CALU: variants seen among roughly 807,000 people sequenced by gnomAD.
CALU encodes the protein calumenin, also known as IEF SSP 9302.
In CALU, 13 loss-of-function variants were observed where a neutral mutation model predicts 37.5. The ratio of observed to expected loss-of-function variants is 0.35; its 90% CI spans 0.23 to 0.55. The LOEUF is 0.55. Among genes scored for constraint, CALU ranks in the 20% least tolerant of loss-of-function variants. The pLI is 0.89. For missense variants in CALU, 282 were observed against 391.7 expected, an observed-to-expected ratio of 0.72 and a Z score of 2.36; for synonymous variants, 114 against 133.8, an observed-to-expected ratio of 0.85 and a Z score of 1.02.
intron 1 of CALU, among the ~76,000 whole-genome samples, chr7:128,740,619 T>C (rs1006426873): frequency 7.7e-6 from 1 of 129,148 alleles, no homozygotes. Flanking sequence ...AAAATGAGTT[T>C]GCCAAGACCT....
intron 1 of CALU, among the ~76,000 whole-genome samples, chr7:128,745,817 A>G (rs1190311431): frequency 6.6e-6 from 1 of 152,208 alleles, no homozygotes; most frequent in Non-Finnish European, 1.5e-5. Context: ...CAGAAAGCTA[A>G]TAAACATGAG....
chr7:128,766,209 G>A (rs912035716), intron 5 of CALU, among the ~76,000 whole-genome samples: 47 of 151,862 alleles, frequency 3.1e-4, no homozygotes, highest in African/African-American at 1.1e-3. Context: ...TGATCCACCC[G>A]CCTCAGCCTC....
intron 1 of CALU, among the ~76,000 whole-genome samples, chr7:128,745,006 T>G (rs1202446415): frequency 6.6e-6 from 1 of 152,238 alleles, no homozygotes; most frequent in African/African-American, 2.4e-5. Context: ...ATGCTACATG[T>G]CTCAAAACTT....
At chr7:128,763,358 G>A (rs748565134) in intron 5 of CALU, among the ~76,000 whole-genome samples, 2 of 151,828 alleles carry the variant, frequency 1.3e-5, no homozygotes, top group East Asian at 1.9e-4. Context: ...GTGAAACCCC[G>A]TCTCTACTAA....
At chr7:128,747,317 A>G (rs1325604065) in intron 1 of CALU, among the ~76,000 whole-genome samples, 7 of 152,144 alleles carry the variant, frequency 4.6e-5, no homozygotes, top group African/African-American at 1.4e-4. Flanking sequence ...CCATTTCTCT[A>G]TGGGTTTCAT....
chr7:128,746,637 A>G (rs1800451079), intron 1 of CALU, among the ~76,000 whole-genome samples: 1 of 152,072 alleles, frequency 6.6e-6, no homozygotes, highest in African/African-American at 2.4e-5. Context: ...TATTTTTAGT[A>G]GAGACAGTGT....
chr7:128,739,855 A>G (rs909409761), intron 1 of CALU, among the ~76,000 whole-genome samples: 4 of 152,098 alleles, frequency 2.6e-5, no homozygotes, highest in African/African-American at 9.7e-5. Context: ...TCCTGCTTGT[A>G]TCTGCCAGCT....
In CALU at chr7:128,754,296, G is replaced by A. The variant is rs199523748; in HGVS notation, c.256G>A (p.Gly86Arg). Residue 86 changes from glycine to arginine, a missense_variant, in exon 3 of 7, where the codon GGG becomes AGG. By Grantham distance (125) the Gly-to-Arg change is moderately radical (BLOSUM62 -2). Coordinates refer to ENST00000249364, the MANE Select transcript of CALU (RefSeq NM_001219.5). Reference protein sequence around the residue: ...IVSKIDGDKDGFVTVDELKDW... With the variant: ...IVSKIDGDKDRFVTVDELKDW... ...AAGTAAAATAGATGGCGACAAGGAC[G>A]GGTTTGTCACTGTGGATGAGCTCAA... The A allele has an allele frequency of 2.5e-6, 4 of 1,610,706 alleles. No homozygotes were observed. The South Asian group carries it at 3.3e-5, about 13-fold the overall frequency.
chr7:128,773,123 A>C lies in CALU; in HGVS notation c.*3956A>C, dbSNP rs1443824859. On this transcript the variant is annotated 3_prime_UTR_variant, in exon 7 of 7. Coordinates refer to ENST00000249364, the MANE Select transcript of CALU (RefSeq NM_001219.5). ...TTTCAGATGGGATAGGAAATCCCCC[A>C]GTACCTTCAGATGATAAGATATTTT... Among the ~76,000 whole-genome samples, 3 of 152,258 alleles carry C rather than the reference A, an allele frequency of 2.0e-5. No homozygotes were observed.
Position 128,767,710 on chromosome 7 carries a change from G to A in CALU, c.843+55G>A, listed in dbSNP as rs928448694. ...CCTTGATTGAAGTATGCTTCTAGGG[G>A]ATCACCTGAACAGTTTCTGTTAAGG... On this transcript the variant is annotated intron_variant, in intron 6 of 6. Transcript: ENST00000249364. The A allele has an allele frequency of 4.3e-6, 6 of 1,405,882 alleles. No individual in the cohort carries two copies. In the African/African-American group the frequency reaches 8.5e-5, roughly 20 times the overall value. The allele number at this position is 1,405,882 out of a possible 1,614,324, so 87.1% of individuals were successfully genotyped here.
At chr7:128,765,132 C>T (rs1238149296) in intron 5 of CALU, among the ~76,000 whole-genome samples, 1 of 152,154 alleles carries the variant, frequency 6.6e-6, no homozygotes, top group African/African-American at 2.4e-5. Context: ...CCAGGCTGGT[C>T]TGGAAATCCT....
rs1468217858 is a variant in CALU at position 128,771,386 on chromosome 7, G to A, written c.*2219G>A. On this transcript the variant is annotated 3_prime_UTR_variant, in exon 7 of 7. Transcript: ENST00000249364. ...GCTAGCTCTCTTGAATTTGGATATT[G>A]GTTATTTTTTATAGAGTGTAAACCA... The A allele has an allele frequency of 1.3e-5, 2 of 152,510 alleles. No individual in the cohort carries two copies. Among genetic ancestry groups the A allele is most frequent in the African/African-American group, 2.4e-5 (1 of 41,404 alleles). The allele number at this position is 152,510 out of a possible 1,614,324, so 9.4% of individuals were successfully genotyped here.
chr7:128,741,063 C>T (rs1312135069), intron 1 of CALU, among the ~76,000 whole-genome samples: 1 of 152,108 alleles, frequency 6.6e-6, no homozygotes, highest in Non-Finnish European at 1.5e-5. Context: ...TTTTCTGTAA[C>T]GTAGGTATAC....
intron 3 of CALU, among the ~76,000 whole-genome samples, chr7:128,757,911 GTT>G (rs35878534): frequency 2.7e-5 from 4 of 147,524 alleles, no homozygotes; most frequent in East Asian, 3.9e-4. Context: ...TAATCTAAGG[GTT>G]TTTTTTTTTG....
At position 128,763,551 on chromosome 7, in the gene CALU, A is replaced by G. The variant is rs528936950; in HGVS notation, c.643+3699A>G. Among the ~76,000 whole-genome samples the G allele has an allele frequency of 2.6e-5, 4 of 152,298 alleles. No homozygotes were observed. In the South Asian group the frequency reaches 6.2e-4, roughly 24 times the overall value. ...GTCTCAAAAAAATAAAGTAAAATAAATAAAAATAGAAATTCAAATAGTTTA... is the reference window on the plus strand; with the variant it reads ...GTCTCAAAAAAATAAAGTAAAATAAGTAAAAATAGAAATTCAAATAGTTTA... On this transcript the variant is annotated intron_variant, in intron 5 of 6. Coordinates refer to ENST00000249364, the MANE Select transcript of CALU (RefSeq NM_001219.5).
At chr7:128,739,633 C>T (rs887836169) in intron 1 of CALU, among the ~76,000 whole-genome samples, 2 of 152,082 alleles carry the variant, frequency 1.3e-5, no homozygotes, top group Non-Finnish European at 2.9e-5. Context: ...CGCCGCCCGT[C>T]TTACCGCGCG....
Position 128,762,812 on chromosome 7 carries a change from A to G in CALU, c.643+2960A>G, listed in dbSNP as rs564116562. On this transcript the variant is annotated intron_variant, in intron 5 of 6. Transcript: ENST00000249364. ...CTCCTGAGTAGTTGGGATTACAGGC[A>G]TGCACCACCACACCTGGCTAATTTT... Among the ~76,000 whole-genome samples the G allele has an allele frequency of 1.6e-3, 241 of 152,174 alleles. 6 individuals are homozygous for G. In the South Asian group the frequency reaches 0.045, roughly 29 times the overall value.
At chr7:128,747,409 G>C (rs1800488853) in intron 1 of CALU, 1 of 152,040 alleles carries the variant, frequency 6.6e-6, no homozygotes, top group African/African-American at 2.4e-5. Flanking sequence ...CCTTATTTGA[G>C]ACTGGGGCAC....
At chr7:128,763,108 T>C (rs977781322) in intron 5 of CALU, among the ~76,000 whole-genome samples, 5 of 152,358 alleles carry the variant, frequency 3.3e-5, no homozygotes, top group Non-Finnish European at 7.3e-5. Flanking sequence ...TTATGTCATT[T>C]CATCTGTAAA....
Sources: gnomAD v4.1 joint callset for allele counts (sites outside exome capture counted in the v4.1 genomes callset) on GRCh38, gnomAD v4.1.1 for gene constraint, MANE v1.5 for transcripts, NCBI Gene and HGNC (gene_info 2026-07-23, HGNC 2026-07-21) for gene names.